The following MAP3K2 variants were observed in gnomAD, a reference collection of about 807,000 sequenced individuals.
The protein encoded by MAP3K2 is MAP/ERK kinase kinase 2.
MAP3K2 carries 24 observed loss-of-function variants against 80.3 expected under a neutral mutation model. The observed-to-expected ratio is 0.30, with a 90% CI of 0.22 to 0.42. The LOEUF (loss-of-function observed/expected upper bound fraction) is 0.42, where lower values mean the gene tolerates loss of function less well. Ranked by LOEUF, MAP3K2 falls within the 10% of genes least tolerant of loss-of-function variation. The pLI is 1.00. For synonymous variants in MAP3K2, 244 were observed against 253.7 expected (o/e 0.96, Z 0.36); for missense variants, 608 against 750.1 (o/e 0.81, Z 2.21).
intron 15 of MAP3K2, among the ~76,000 whole-genome samples, chr2:127,314,383 CTG>C (rs1489999519): frequency 6.6e-6 from 1 of 152,190 alleles, no homozygotes; most frequent in Non-Finnish European, 1.5e-5. Flanking sequence ...AACTGAGAGA[CTG>C]AGTAACTTGT....
At chr2:127,384,951 T>C (rs1005366971) in intron 1 of MAP3K2, among the ~76,000 whole-genome samples, 1 of 152,186 alleles carries the variant, frequency 6.6e-6, no homozygotes. Flanking sequence ...AAGTGGCTTC[T>C]TGAGATGGAA....
chr2:127,371,482 A>C (rs554742640), intron 1 of MAP3K2, among the ~76,000 whole-genome samples: 1 of 152,212 alleles, frequency 6.6e-6, no homozygotes, highest in African/African-American at 2.4e-5. Context: ...TGAATTTATC[A>C]ATCGTTTAAC....
chr2:127,309,911 C>G (rs962886183), intron 15 of MAP3K2, among the ~76,000 whole-genome samples: 2 of 152,160 alleles, frequency 1.3e-5, no homozygotes, highest in Admixed American at 6.5e-5. Context: ...CATTCTCCCC[C>G]ACCCTTTCCG....
In MAP3K2 at chr2:127,310,795, AT is replaced by A. The variant is rs1482836977; in HGVS notation, c.1457-2034del. Among the ~76,000 whole-genome samples the A allele has an allele frequency of 6.6e-6, 1 of 151,242 alleles. No homozygotes were observed. Among genetic ancestry groups the A allele is most frequent in the Admixed American group, 6.6e-5 (1 of 15,188 alleles). ...TCTTTTATAAATCATTTCTCTTCTC[AT>A]TTTTTTCCACATAGCCCTCATTACT... On this transcript the variant is annotated intron_variant, in intron 15 of 16. Coordinates refer to ENST00000682094, the MANE Select transcript of MAP3K2 (RefSeq NM_001371910.2). The surrounding 1 kb of genome is among the most constrained non-coding windows in gnomAD (Gnocchi z 4.8).
In MAP3K2 at chr2:127,379,890, A is replaced by G. The variant is rs186982618; in HGVS notation, c.-66+7562T>C. Among the ~76,000 whole-genome samples, 7 of 152,348 alleles carry G rather than the reference A, an allele frequency of 4.6e-5. No homozygotes were observed. The East Asian group carries it at 1.2e-3, about 25-fold the overall frequency. On this transcript the variant is annotated intron_variant, in intron 1 of 16. Transcript: ENST00000682094. The stretch of plus-strand genomic sequence containing the variant: ...GTGCTTCAGTTCCCTCATCTGCACT[A>G]CAGATATAGTAACAGTAACTAATTC...
intron 1 of MAP3K2, among the ~76,000 whole-genome samples, chr2:127,360,210 C>T (rs1031141976): frequency 2.6e-5 from 4 of 152,100 alleles, no homozygotes; most frequent in Non-Finnish European, 5.9e-5. Context: ...ACTATTGATA[C>T]ATACAATAAT....
chr2:127,375,432 A>C (rs1687135616), intron 1 of MAP3K2, among the ~76,000 whole-genome samples: 1 of 147,754 alleles, frequency 6.8e-6, no homozygotes, highest in African/African-American at 2.5e-5. Flanking sequence ...TTTTTTTGAG[A>C]CAGAGTCTCA....
At position 127,338,192 on chromosome 2, in the gene MAP3K2, C is replaced by CT. The variant is rs1686409197; in HGVS notation, c.124-415dup. ...GAAGAACAAAACAAAACACAATTTG[C>CT]TTAAGTGCTTGAAAAATGGATGAAA... On this transcript the variant is annotated intron_variant, in intron 3 of 16. Coordinates refer to ENST00000682094, the MANE Select transcript of MAP3K2 (RefSeq NM_001371910.2). Among the ~76,000 whole-genome samples the CT allele has an allele frequency of 2.0e-5, 3 of 152,128 alleles. No homozygotes were observed. The South Asian group carries it at 6.2e-4, about 31-fold the overall frequency.
intron 8 of MAP3K2, 58 bp from the exon 9 acceptor site, chr2:127,325,865 T>C: frequency 2.6e-6 from 3 of 1,149,836 alleles, no homozygotes; most frequent in Non-Finnish European, 3.9e-6. Context: ...AGTTGCTTAT[T>C]AAAAAAACCT....
chr2:127,381,503 T>C (rs1687245825), intron 1 of MAP3K2, among the ~76,000 whole-genome samples: 1 of 152,244 alleles, frequency 6.6e-6, no homozygotes, highest in South Asian at 2.1e-4. Context: ...CTGGATATTT[T>C]TTAATTCCTG....
intron 11 of MAP3K2, among the ~76,000 whole-genome samples, chr2:127,323,090 AC>A (rs1382301002): frequency 6.7e-6 from 1 of 148,442 alleles, no homozygotes; most frequent in Non-Finnish European, 1.5e-5. Flanking sequence ...ACATGGCAAA[AC>A]CCCATCTCTA....
At position 127,339,124 on chromosome 2, in the gene MAP3K2, C is replaced by A; in HGVS notation, c.5-74G>T. 1 of 863,458 alleles carries A rather than the reference C, an allele frequency of 1.2e-6. No homozygotes were observed. Among genetic ancestry groups the A allele is most frequent in the South Asian group, 1.8e-5 (1 of 57,008 alleles). The allele number at this position is 863,458 out of a possible 1,614,324, so 53.5% of individuals were successfully genotyped here. A position where few individuals can be genotyped will look rare whatever the true frequency, so the allele number is the denominator to read the frequency against. ...TATATCAACATGTATAGACATCAAA[C>A]ACAAAATTTAAAATAAAATTTGATG... is the stretch of plus-strand genomic sequence containing the variant. On this transcript the variant is annotated intron_variant, in intron 2 of 16. Transcript: ENST00000682094. This position sits in a 1 kb window ranked among gnomAD's most constrained non-coding sequence, Gnocchi z 4.2.
At chr2:127,328,304 A>G (rs529734670) in intron 7 of MAP3K2, among the ~76,000 whole-genome samples, 159 of 152,326 alleles carry the variant, frequency 1.0e-3, no homozygotes, top group Non-Finnish European at 1.1e-3. Flanking sequence ...GTGAATTAGC[A>G]ATTTTTTAAA....
At chr2:127,368,404 C>T (rs190389099) in intron 1 of MAP3K2, among the ~76,000 whole-genome samples, 10 of 151,916 alleles carry the variant, frequency 6.6e-5, no homozygotes, top group African/African-American at 2.4e-5. Context: ...GGGCAGATCA[C>T]GAGGTCTGGA....
intron 1 of MAP3K2, among the ~76,000 whole-genome samples, chr2:127,383,962 C>T (rs1159191640): frequency 6.6e-6 from 1 of 151,730 alleles, no homozygotes; most frequent in African/African-American, 2.4e-5. Flanking sequence ...CAAGCTCCAC[C>T]TCCCGGGTTC....
chr2:127,316,188 A>G (rs1292305078), intron 14 of MAP3K2, among the ~76,000 whole-genome samples: 1 of 152,188 alleles, frequency 6.6e-6, no homozygotes, highest in Non-Finnish European at 1.5e-5. Flanking sequence ...AGCCTGGCCA[A>G]CATGGTGAAA....
At chr2:127,356,343 CTTTT>C (rs1007877072) in intron 1 of MAP3K2, among the ~76,000 whole-genome samples, 2 of 152,074 alleles carry the variant, frequency 1.3e-5, no homozygotes, top group East Asian at 3.9e-4. Flanking sequence ...ATTTCTTTTT[CTTTT>C]TTTAGTTTCG....
At chr2:127,372,186 A>G (rs974895099) in intron 1 of MAP3K2, among the ~76,000 whole-genome samples, 6 of 152,224 alleles carry the variant, frequency 3.9e-5, no homozygotes, top group African/African-American at 1.4e-4. Context: ...TCACTGGGGT[A>G]ACTGATAGTG....
chr2:127,337,738 C>CT lies in MAP3K2; in HGVS notation c.163dup (p.Arg55LysfsTer10). On this transcript the variant is annotated frameshift_variant and splice_region_variant, in exon 4 of 17. Coordinates refer to ENST00000682094, the MANE Select transcript of MAP3K2 (RefSeq NM_001371910.2). LOFTEE classifies it high-confidence loss of function. Reference sequence around the variant, plus strand: ...TAACATGTAATGTTTCCTTCCTTACCTTTTTTCTCCTCTATGTTCAAATTT... The same window carrying CT: ...TAACATGTAATGTTTCCTTCCTTACCTTTTTTTCTCCTCTATGTTCAAATTT... The CT allele has an allele frequency of 6.7e-7, 1 of 1,499,520 alleles. No homozygotes were observed. The highest frequency in any genetic ancestry group is 9.0e-7 in the Non-Finnish European group (1 of 1,105,844). The allele number at this position is 1,499,520 out of a possible 1,614,324, so 92.9% of individuals were successfully genotyped here.
Sources: allele counts gnomAD v4.1 joint callset (sites outside exome capture counted in the v4.1 genomes callset), GRCh38; gene constraint gnomAD v4.1.1; non-coding constraint Gnocchi (gnomAD v3.1); transcripts MANE v1.5; gene names NCBI Gene and HGNC (gene_info 2026-07-23, HGNC 2026-07-21).